The following MYT1L variants were observed in gnomAD, a reference collection of about 807,000 sequenced individuals.
The protein encoded by MYT1L is myelin transcription factor 1-like protein.
In MYT1L, 12 loss-of-function variants were observed where a neutral mutation model predicts 126.7. That is an observed-to-expected ratio of 0.09 (90% CI 0.06 to 0.15). MYT1L has a LOEUF of 0.15. Among genes scored for constraint, MYT1L ranks in the 10% least tolerant of loss-of-function variants. The pLI is 1.00. For missense variants in MYT1L, 979 were observed against 1,585.2 expected (o/e 0.62, Z 6.49); for synonymous variants, 541 against 604.2 (o/e 0.90, Z 1.53).
At position 2,059,608 on chromosome 2, in the gene MYT1L, G is replaced by C. The variant is rs1043209207; in HGVS notation, c.-303-5485C>G. Among the ~76,000 whole-genome samples, 8 of 152,256 alleles carry C rather than the reference G, an allele frequency of 5.3e-5. 1 individual carries two copies. The East Asian group carries it at 1.5e-3, about 29-fold the overall frequency. On this transcript the variant is annotated intron_variant, in intron 3 of 24. Transcript: ENST00000647738. This position sits in a 1 kb window ranked among gnomAD's most constrained non-coding sequence, Gnocchi z 4.7. ...ACAAACGGACGCAGGACTGCAGTTC[G>C]GCAGGGGGCACACAATGCATGGGTG...
intron 18 of MYT1L, among the ~76,000 whole-genome samples, chr2:1,873,645 T>C (rs961694171): frequency 5.3e-5 from 8 of 152,204 alleles, no homozygotes. Context: ...CCATTCTGGG[T>C]GCACAGAAAG....
At chr2:2,122,040 G>A (rs929640249) in intron 3 of MYT1L, among the ~76,000 whole-genome samples, 15 of 152,180 alleles carry the variant, frequency 9.9e-5, no homozygotes, top group Non-Finnish European at 2.1e-4. Context: ...TAAACTGTGC[G>A]TCTGTCAGCA....
intron 3 of MYT1L, among the ~76,000 whole-genome samples, chr2:2,090,711 A>T (rs2076830277): frequency 6.6e-6 from 1 of 152,266 alleles, no homozygotes; most frequent in South Asian, 2.1e-4. Context: ...GTTTGATAGG[A>T]CTTTAACCAC....
intron 2 of MYT1L, among the ~76,000 whole-genome samples, chr2:2,240,168 C>A (rs2094410430): frequency 6.6e-6 from 1 of 152,088 alleles, no homozygotes; most frequent in Non-Finnish European, 1.5e-5. Flanking sequence ...GCACGTGGCA[C>A]AGACCTCTAA....
intron 8 of MYT1L, among the ~76,000 whole-genome samples, chr2:1,946,468 G>C (rs1375060355): frequency 1.3e-5 from 2 of 152,182 alleles, no homozygotes; most frequent in African/African-American, 4.8e-5. Flanking sequence ...CATGGGGTAG[G>C]GGCAAGAGCT....
At chr2:2,134,189 T>A (rs2082743413) in intron 3 of MYT1L, among the ~76,000 whole-genome samples, 1 of 152,172 alleles carries the variant, frequency 6.6e-6, no homozygotes, top group African/African-American at 2.4e-5. Flanking sequence ...CTGGCACCCC[T>A]GGGAGTCTCA....
intron 4 of MYT1L, among the ~76,000 whole-genome samples, chr2:2,039,576 G>GA (rs2067289085): frequency 6.6e-6 from 1 of 152,168 alleles, no homozygotes; most frequent in African/African-American, 2.4e-5. Flanking sequence ...GAATTGCTCA[G>GA]GAAAAACATG....
intron 2 of MYT1L, among the ~76,000 whole-genome samples, chr2:2,217,005 A>G (rs1168609347): frequency 6.6e-6 from 1 of 152,254 alleles, no homozygotes; most frequent in Non-Finnish European, 1.5e-5. Context: ...AAAGGCTTCT[A>G]TCTACCAAAG....
At chr2:2,038,985 A>G (rs1050979306) in intron 4 of MYT1L, among the ~76,000 whole-genome samples, 2 of 152,048 alleles carry the variant, frequency 1.3e-5, no homozygotes, top group African/African-American at 4.8e-5. Flanking sequence ...GTGACTGTTT[A>G]GCCACTGACC....
intron 8 of MYT1L, among the ~76,000 whole-genome samples, chr2:1,975,034 C>T (rs1488188342): frequency 6.6e-6 from 1 of 152,164 alleles, no homozygotes; most frequent in African/African-American, 2.4e-5. Context: ...TAACCTTACT[C>T]CTACCAAAAA....
At chr2:1,851,509 C>T (rs1457409261) in intron 19 of MYT1L, 132 bp downstream of exon 19, 1 of 823,306 alleles carries the variant, frequency 1.2e-6, no homozygotes, top group Non-Finnish European at 2.0e-6. Context: ...CTTTATGGCG[C>T]TAAGAGTCTC....
rs575204664 is a variant in MYT1L, at chr2:1,870,475, C to T, written c.2711+16064G>A. The stretch of plus-strand genomic sequence containing the variant: ...TAGGGTTGAGGTGGCCATAGAGGGT[C>T]GGTCTGCTGGCACTAGGAGCTTGTG... On this transcript the variant is annotated intron_variant, in intron 18 of 24. Transcript: ENST00000647738. 9.2e-5 allele frequency among the ~76,000 whole-genome samples: 14 copies of T among 152,294 alleles called. No homozygotes were observed. The South Asian group carries it at 1.2e-3, about 14-fold the overall frequency.
chr2:2,168,849 T>C (rs2089573883), intron 3 of MYT1L, among the ~76,000 whole-genome samples: 1 of 152,168 alleles, frequency 6.6e-6, no homozygotes, highest in South Asian at 2.1e-4. Flanking sequence ...CTCAAAACTT[T>C]CTAATGCTCA....
At chr2:2,203,477 C>G (rs2093172540) in intron 2 of MYT1L, among the ~76,000 whole-genome samples, 1 of 151,384 alleles carries the variant, frequency 6.6e-6, no homozygotes. Flanking sequence ...AAGAGACAAA[C>G]AGAGCCAAAT....
chr2:2,119,947 C>T (rs753765136), intron 3 of MYT1L, among the ~76,000 whole-genome samples: 9 of 151,828 alleles, frequency 5.9e-5, no homozygotes, highest in African/African-American at 1.7e-4. Flanking sequence ...TGTATGTGTG[C>T]GAGTGAGGGT....
At chr2:2,149,209 T>C (rs576232821) in intron 3 of MYT1L, among the ~76,000 whole-genome samples, 1 of 152,316 alleles carries the variant, frequency 6.6e-6, no homozygotes, top group South Asian at 2.1e-4. Flanking sequence ...ATAAAAATCA[T>C]GTAAAATTAT....
At chr2:2,106,581 G>A (rs1362180136) in intron 3 of MYT1L, among the ~76,000 whole-genome samples, 1 of 152,068 alleles carries the variant, frequency 6.6e-6, no homozygotes, top group Non-Finnish European at 1.5e-5. Flanking sequence ...TCATGCCACT[G>A]CACTCCAGCC....
At chr2:1,995,442 A>C (rs2061756618) in intron 5 of MYT1L, among the ~76,000 whole-genome samples, 1 of 152,222 alleles carries the variant, frequency 6.6e-6, no homozygotes, top group African/African-American at 2.4e-5. Flanking sequence ...GGAAAGAAAA[A>C]AAGCATCAAC....
intron 4 of MYT1L, among the ~76,000 whole-genome samples, chr2:2,036,545 C>A (rs1308727180): frequency 6.6e-6 from 1 of 152,238 alleles, no homozygotes; most frequent in African/African-American, 2.4e-5. Context: ...GCAATAGAAT[C>A]CCATCCACAC....
Sources: gnomAD v4.1 joint callset for allele counts (sites outside exome capture counted in the v4.1 genomes callset) on GRCh38, gnomAD v4.1.1 for gene constraint, Gnocchi (gnomAD v3.1) non-coding constraint, MANE v1.5 for transcripts, NCBI Gene and HGNC (gene_info 2026-07-23, HGNC 2026-07-21) for gene names.